POT1: variants seen among roughly 807,000 people sequenced by gnomAD.
POT1 encodes protection of telomeres protein 1.
A neutral mutation model predicts 78.5 loss-of-function variants in POT1; 47 were observed. The observed-to-expected ratio is 0.60, with a 90% CI of 0.47 to 0.76. POT1 has a LOEUF of 0.76. Among genes scored for constraint, POT1 ranks in the 30% least tolerant of loss-of-function variants. The pLI is 0.00. For synonymous variants in POT1, 259 were observed against 260.7 expected, an observed-to-expected ratio of 0.99 and a Z score of 0.06; for missense variants, 646 against 749.9, an observed-to-expected ratio of 0.86 and a Z score of 1.62.
chr7:124,923,521 T>C (rs1038875743), intron 2 of POT1, among the ~76,000 whole-genome samples: 7 of 151,758 alleles, frequency 4.6e-5, no homozygotes, highest in African/African-American at 1.7e-4. Context: ...CCATTTGAGA[T>C]GTCCAGGACT....
chr7:124,924,625 G>T (rs760036238), intron 2 of POT1, among the ~76,000 whole-genome samples: 12 of 151,902 alleles, frequency 7.9e-5, no homozygotes, highest in African/African-American at 2.9e-4. Flanking sequence ...ATTCTACAAG[G>T]TATCACCCTG....
chr7:124,871,514 C>G (rs898713421), intron 6 of POT1, among the ~76,000 whole-genome samples: 1 of 151,830 alleles, frequency 6.6e-6, no homozygotes, highest in African/African-American at 2.4e-5. Flanking sequence ...ATATGTCGTA[C>G]AAATGAATAA....
chr7:124,902,851 CA>C (rs1267707009), intron 3 of POT1, among the ~76,000 whole-genome samples: 7 of 150,682 alleles, frequency 4.6e-5, no homozygotes, highest in Non-Finnish European at 7.4e-5. Context: ...CAAATGGAAA[CA>C]AAAAAAAGCA....
chr7:124,919,603 CAG>C (rs202061568), intron 2 of POT1, among the ~76,000 whole-genome samples: 1 of 151,674 alleles, frequency 6.6e-6, no homozygotes, highest in African/African-American at 2.4e-5. Flanking sequence ...AGAAACACAA[CAG>C]AGTCTCAGGC....
At chr7:124,877,677 C>T (rs1482603419) in intron 6 of POT1, among the ~76,000 whole-genome samples, 3 of 151,406 alleles carry the variant, frequency 2.0e-5, no homozygotes, top group Non-Finnish European at 4.4e-5. Context: ...CTAAAAAATA[C>T]AAAAATTTAG....
At chr7:124,867,634 TTTTA>T (rs34457483) in intron 7 of POT1, among the ~76,000 whole-genome samples, 59 of 151,936 alleles carry the variant, frequency 3.9e-4, no homozygotes, top group South Asian at 1.7e-3. Flanking sequence ...GCTTTATTAT[TTTTA>T]TTTATTTATT....
intron 5 of POT1, among the ~76,000 whole-genome samples, chr7:124,893,211 C>A (rs1280324927): frequency 6.6e-6 from 1 of 151,280 alleles, no homozygotes; most frequent in African/African-American, 2.4e-5. Flanking sequence ...GATTTTGGTT[C>A]TATTTTTTAA....
chr7:124,847,050 A>C (rs1392516566), intron 11 of POT1, 52 bp from the exon 12 acceptor site: 2 of 1,236,352 alleles, frequency 1.6e-6, no homozygotes, highest in Admixed American at 3.6e-5. Context: ...TTCATTGTAG[A>C]ACTGAAAACA....
At chr7:124,908,102 TC>T (rs1007423175) in intron 3 of POT1, among the ~76,000 whole-genome samples, 1 of 151,880 alleles carries the variant, frequency 6.6e-6, no homozygotes, top group Non-Finnish European at 1.5e-5. Context: ...TAACTGATAA[TC>T]CAAAATGAAA....
At chr7:124,869,983 T>A (rs895486672) in intron 7 of POT1, among the ~76,000 whole-genome samples, 1 of 152,006 alleles carries the variant, frequency 6.6e-6, no homozygotes, top group Non-Finnish European at 1.5e-5. Flanking sequence ...TGCCTAAGAG[T>A]AGAACACAGC....
chr7:124,924,637 T>C (rs139093309), intron 2 of POT1, among the ~76,000 whole-genome samples: 2 of 152,112 alleles, frequency 1.3e-5, no homozygotes, highest in African/African-American at 4.8e-5. Flanking sequence ...ATCACCCTGA[T>C]ATCAAAACCA....
intron 6 of POT1, among the ~76,000 whole-genome samples, chr7:124,888,306 T>C (rs1441377233): frequency 6.6e-6 from 1 of 152,112 alleles, no homozygotes; most frequent in African/African-American, 2.4e-5. Flanking sequence ...AGGCGCTCTA[T>C]TCAATTCCAT....
chr7:124,925,472 A>C (rs1797250769), intron 2 of POT1, among the ~76,000 whole-genome samples: 1 of 152,156 alleles, frequency 6.6e-6, no homozygotes, highest in African/African-American at 2.4e-5. Context: ...AACATAAAAA[A>C]ATGGAAAAAC....
intron 8 of POT1, among the ~76,000 whole-genome samples, chr7:124,861,278 C>T (rs915916891): frequency 6.6e-6 from 1 of 152,176 alleles, no homozygotes; most frequent in Non-Finnish European, 1.5e-5. Flanking sequence ...TGTTTCCTGA[C>T]TTTTTAACGA....
intron 1 of POT1, among the ~76,000 whole-genome samples, 189 bp from the exon 2 acceptor site, chr7:124,929,188 T>C (rs1475012390): frequency 6.6e-6 from 1 of 152,192 alleles, no homozygotes; most frequent in Non-Finnish European, 1.5e-5. Context: ...AACTGAAACT[T>C]AACCATTTTC....
intron 6 of POT1, among the ~76,000 whole-genome samples, chr7:124,877,955 T>G (rs1218478720): frequency 1.3e-5 from 2 of 151,546 alleles, no homozygotes; most frequent in Non-Finnish European, 2.9e-5. Context: ...CATAATTTCA[T>G]TTATACATGG....
At chr7:124,863,007 T>C (rs1795634245) in intron 8 of POT1, among the ~76,000 whole-genome samples, 1 of 152,128 alleles carries the variant, frequency 6.6e-6, no homozygotes, top group Non-Finnish European at 1.5e-5. Context: ...GAAGGTGACC[T>C]TGACAGGGAA....
chr7:124,834,186 T>C (rs571798781), intron 15 of POT1, among the ~76,000 whole-genome samples: 27 of 152,208 alleles, frequency 1.8e-4, no homozygotes, highest in African/African-American at 6.5e-4. Context: ...ATTCAGGACA[T>C]AGGCATGGGC....
At chr7:124,925,674 T>C (rs1797256425) in intron 2 of POT1, among the ~76,000 whole-genome samples, 1 of 151,910 alleles carries the variant, frequency 6.6e-6, no homozygotes, top group African/African-American at 2.4e-5. Flanking sequence ...AAAAGAACAA[T>C]GCTGGAGGTA....
Sources: allele counts gnomAD v4.1 joint callset (sites outside exome capture counted in the v4.1 genomes callset), GRCh38; gene constraint gnomAD v4.1.1; transcripts MANE v1.5; gene names NCBI Gene and HGNC (gene_info 2026-07-23, HGNC 2026-07-21).